GTF2IRD1: variants seen among roughly 807,000 people sequenced by gnomAD.
GTF2IRD1 encodes general transcription factor II-I repeat domain-containing protein 1.
In GTF2IRD1, 26 loss-of-function variants were observed where a neutral mutation model predicts 113.2. The observed-to-expected ratio is 0.23, with a 90% CI of 0.17 to 0.32. GTF2IRD1 has a LOEUF of 0.32. GTF2IRD1 is among the 10% of genes least tolerant of loss of function. The pLI is 1.00. For synonymous variants in GTF2IRD1, 484 were observed against 529.1 expected (o/e 0.91, Z 1.17); for missense variants, 864 against 1,280.8 (o/e 0.67, Z 4.97).
chr7:74,549,860 A>AC (rs1799196812), intron 17 of GTF2IRD1, among the ~76,000 whole-genome samples: 1 of 151,882 alleles, frequency 6.6e-6, no homozygotes, highest in Non-Finnish European at 1.5e-5. Context: ...CTATGGAGAA[A>AC]CCCCATCTCT....
At chr7:74,597,384 T>C (rs1444725775) in intron 25 of GTF2IRD1, among the ~76,000 whole-genome samples, 6 of 141,398 alleles carry the variant, frequency 4.2e-5, no homozygotes, top group African/African-American at 1.6e-4. Flanking sequence ...TCTCACTCTG[T>C]CACTCAGGCT....
intron 22 of GTF2IRD1, among the ~76,000 whole-genome samples, chr7:74,583,491 C>T (rs1291283757): frequency 1.3e-5 from 2 of 151,262 alleles, no homozygotes; most frequent in Non-Finnish European, 2.9e-5. Context: ...TACATCCGGC[C>T]AGTTCTTGGT....
At chr7:74,509,661 G>GTTTTT (rs146128226) in intron 2 of GTF2IRD1, among the ~76,000 whole-genome samples, 15,097 of 151,234 alleles carry the variant, frequency 0.1, 1,838 homozygotes, top group East Asian at 0.38. Context: ...AGCATGACCA[G>GTTTTT]TTTTGTTTTG....
At chr7:74,520,610 G>A (rs1178482441) in intron 6 of GTF2IRD1, among the ~76,000 whole-genome samples, 1 of 151,780 alleles carries the variant, frequency 6.6e-6, no homozygotes, top group Non-Finnish European at 1.5e-5. Flanking sequence ...TCTGCCAAGT[G>A]GTTCCAATGT....
At chr7:74,479,808 A>G (rs1480880036) in intron 1 of GTF2IRD1, among the ~76,000 whole-genome samples, 4 of 124,438 alleles carry the variant, frequency 3.2e-5, no homozygotes, top group Admixed American at 3.2e-4. Context: ...TCTAGGCTGG[A>G]GTGGCGTGGT....
At chr7:74,537,998 A>C in intron 11 of GTF2IRD1, 138 bp from the exon 12 acceptor site, 1 of 741,934 alleles carries the variant, frequency 1.3e-6, no homozygotes, top group South Asian at 1.6e-5. Flanking sequence ...ACCATCCTGG[A>C]GGGCCAGGGG....
chr7:74,490,453 C>T (rs1018723211), intron 1 of GTF2IRD1, among the ~76,000 whole-genome samples: 2 of 151,966 alleles, frequency 1.3e-5, no homozygotes, highest in African/African-American at 4.8e-5. Context: ...GAATCCAGGA[C>T]CCCCAGGCCA....
rs1792773608 is a variant in GTF2IRD1 at position 74,454,025 on chromosome 7, C to A, written c.-158C>A. 6.7e-6 allele frequency: 1 copy of A among 149,904 alleles called. No individual in the cohort carries two copies. 9.3% of individuals were successfully genotyped at this position (149,904 alleles called of 1,614,324 possible). The stretch of plus-strand genomic sequence containing the variant: ...CGCGCCCCCTCCCCGCGCCTCCCTC[C>A]CCGCCCTCGCCGCGCCGCCGTCCTC... On this transcript the variant is annotated 5_prime_UTR_variant, in exon 1 of 27. Transcript: ENST00000424337.
At chr7:74,567,851 T>A (rs1490672591) in intron 22 of GTF2IRD1, among the ~76,000 whole-genome samples, 4 of 152,074 alleles carry the variant, frequency 2.6e-5, no homozygotes, top group Non-Finnish European at 4.4e-5. Context: ...AGTGGCGTGA[T>A]CTCGGCTCAC....
chr7:74,558,466 C>T (rs1327373742), intron 20 of GTF2IRD1, among the ~76,000 whole-genome samples: 4 of 145,398 alleles, frequency 2.8e-5, no homozygotes, highest in Non-Finnish European at 6.0e-5. Flanking sequence ...CTCAAGCAAT[C>T]CTCCTGCCTC....
At chr7:74,534,543 T>TG (rs1554349725) in intron 9 of GTF2IRD1, among the ~76,000 whole-genome samples, 1 of 150,456 alleles carries the variant, frequency 6.6e-6, no homozygotes, top group Non-Finnish European at 1.5e-5. Flanking sequence ...CGGAGGTTCA[T>TG]GGGGAACCCA....
intron 22 of GTF2IRD1, among the ~76,000 whole-genome samples, chr7:74,579,998 GGCCTGGGCA>G (rs1801315860): frequency 6.6e-6 from 1 of 152,098 alleles, no homozygotes; most frequent in Non-Finnish European, 1.5e-5. Flanking sequence ...CATGAGCACT[GGCCTGGGCA>G]CAGGTCCACA....
At chr7:74,458,297 G>C (rs1403020686) in intron 1 of GTF2IRD1, among the ~76,000 whole-genome samples, 3 of 152,142 alleles carry the variant, frequency 2.0e-5, no homozygotes, top group African/African-American at 7.2e-5. Flanking sequence ...GGGAAGGATG[G>C]TTTCTGGGGG....
At chr7:74,549,245 C>T (rs1484575745) in intron 17 of GTF2IRD1, among the ~76,000 whole-genome samples, 1 of 148,108 alleles carries the variant, frequency 6.8e-6, no homozygotes, top group Non-Finnish European at 1.5e-5. Context: ...GGAGGTTGCA[C>T]TGAGCTGAGA....
At chr7:74,544,183 T>TTTTG (rs782058303) in intron 14 of GTF2IRD1, among the ~76,000 whole-genome samples, 31 of 152,286 alleles carry the variant, frequency 2.0e-4, no homozygotes, top group African/African-American at 4.3e-4. Context: ...CTGGAAGTTT[T>TTTTG]TTTGTTTGTT....
At chr7:74,488,861 G>A (rs1795167001) in intron 1 of GTF2IRD1, among the ~76,000 whole-genome samples, 2 of 152,038 alleles carry the variant, frequency 1.3e-5, no homozygotes, top group South Asian at 4.2e-4. Context: ...ATGGACTTTT[G>A]CCTGGGCGCG....
chr7:74,461,951 ACCCTTATGTCGTCCAACC>A (rs1473539753), intron 1 of GTF2IRD1, among the ~76,000 whole-genome samples: 1 of 152,092 alleles, frequency 6.6e-6, no homozygotes, highest in African/African-American at 2.4e-5. Flanking sequence ...CCTGGCTCAC[ACCCTTATGTCGTCCAACC>A]CCCGTCAAGA....
chr7:74,553,462 A>AT (rs1269852140), intron 17 of GTF2IRD1, among the ~76,000 whole-genome samples: 6 of 151,644 alleles, frequency 4.0e-5, no homozygotes, highest in Non-Finnish European at 5.9e-5. Context: ...TAATTTTTAC[A>AT]TTTTTTGTAG....
intron 1 of GTF2IRD1, among the ~76,000 whole-genome samples, chr7:74,492,779 A>G (rs184016542): frequency 9.9e-5 from 15 of 151,884 alleles, no homozygotes; most frequent in Admixed American, 9.8e-4. Context: ...CTCGGGGGGA[A>G]TCTGTTCCTG....
Sources: allele counts gnomAD v4.1 joint callset (sites outside exome capture counted in the v4.1 genomes callset), GRCh38; gene constraint gnomAD v4.1.1; transcripts MANE v1.5; gene names NCBI Gene and HGNC (gene_info 2026-07-23, HGNC 2026-07-21).